Variants in VAV3 observed in about 807,000 individuals in gnomAD.
The protein encoded by VAV3 is vav guanine nucleotide exchange factor 3, also known as guanine nucleotide exchange factor VAV3.
VAV3 carries 94 observed loss-of-function variants against 131.2 expected under a neutral mutation model. That is an observed-to-expected ratio of 0.72 (90% CI 0.61 to 0.85). VAV3 has a LOEUF of 0.85. VAV3 is among the 40% of genes least tolerant of loss of function. The probability of loss-of-function intolerance (pLI) is 0.00; values close to 1 mark genes in which losing one functional copy is unlikely to be tolerated. For synonymous variants in VAV3, 349 were observed against 342.0 expected (o/e 1.02, Z -0.22); for missense variants, 939 against 1,002.7 (o/e 0.94, Z 0.86).
intron 2 of VAV3, among the ~76,000 whole-genome samples, chr1:107,792,234 T>C (rs1200486369): frequency 2.6e-5 from 4 of 152,236 alleles, no homozygotes; most frequent in Non-Finnish European, 4.4e-5. Context: ...ATTTTTTTTC[T>C]TACATTTTGC....
chr1:107,858,726 G>T (rs1418198562), intron 2 of VAV3, among the ~76,000 whole-genome samples: 1 of 152,180 alleles, frequency 6.6e-6, no homozygotes, highest in East Asian at 1.9e-4. Context: ...TTTCTTCCAT[G>T]AAACCAGTCC....
intron 12 of VAV3, among the ~76,000 whole-genome samples, chr1:107,753,837 T>C (rs1421744096): frequency 6.6e-6 from 1 of 151,842 alleles, no homozygotes; most frequent in Non-Finnish European, 1.5e-5. Flanking sequence ...TGGGATTACA[T>C]GTGTGAGCCA....
intron 19 of VAV3, among the ~76,000 whole-genome samples, chr1:107,646,107 A>G (rs192691488): frequency 1.4e-3 from 207 of 152,186 alleles, no homozygotes; most frequent in Non-Finnish European, 2.4e-3. Context: ...AAAAAACTCC[A>G]TATTTTCCCT....
intron 2 of VAV3, among the ~76,000 whole-genome samples, chr1:107,849,127 C>T (rs111851142): frequency 9.9e-5 from 15 of 152,114 alleles, no homozygotes; most frequent in African/African-American, 2.2e-4. Context: ...GAATCAATAT[C>T]GTGAAAATGG....
intron 2 of VAV3, among the ~76,000 whole-genome samples, chr1:107,803,670 C>T (rs1253128223): frequency 2.6e-5 from 4 of 152,000 alleles, no homozygotes; most frequent in African/African-American, 4.8e-5. Flanking sequence ...GCCTAAGATA[C>T]GGTGCATTTT....
intron 19 of VAV3, among the ~76,000 whole-genome samples, chr1:107,650,793 G>A (rs1042715416): frequency 8.5e-5 from 12 of 140,938 alleles, no homozygotes; most frequent in African/African-American, 3.2e-4. Context: ...TCCCATCTAT[G>A]AGTGAGAACA....
intron 20 of VAV3, among the ~76,000 whole-genome samples, chr1:107,641,928 T>TA (rs991646277): frequency 4.9e-4 from 75 of 152,242 alleles, no homozygotes; most frequent in African/African-American, 1.8e-3. Flanking sequence ...TTAGTAAATA[T>TA]AAAAAAGGTT....
At chr1:107,829,649 CA>C (rs1668161001) in intron 2 of VAV3, among the ~76,000 whole-genome samples, 1 of 152,108 alleles carries the variant, frequency 6.6e-6, no homozygotes, top group Non-Finnish European at 1.5e-5. Context: ...AGTAGCTTAA[CA>C]AAGTTGACTT....
intron 1 of VAV3, among the ~76,000 whole-genome samples, chr1:107,955,317 G>GTTT (rs58239664): frequency 6.0e-5 from 9 of 149,364 alleles, no homozygotes; most frequent in Admixed American, 2.0e-4. Context: ...TGCTGGCTAT[G>GTTT]TTTTTTTTTT....
chr1:107,846,271 C>T (rs1318692311), intron 2 of VAV3, among the ~76,000 whole-genome samples: 3 of 152,150 alleles, frequency 2.0e-5, no homozygotes, highest in African/African-American at 4.8e-5. Context: ...CACCACCAGG[C>T]CTGCCTTCCA....
intron 15 of VAV3, among the ~76,000 whole-genome samples, chr1:107,737,876 A>C (rs1042719065): frequency 2.6e-5 from 4 of 152,238 alleles, no homozygotes; most frequent in African/African-American, 7.2e-5. Context: ...AAGGATTATA[A>C]ATCATGCTAC....
At chr1:107,796,716 G>A (rs976092051) in intron 2 of VAV3, among the ~76,000 whole-genome samples, 18 of 150,980 alleles carry the variant, frequency 1.2e-4, no homozygotes, top group African/African-American at 4.4e-4. Flanking sequence ...AAATTCCTGG[G>A]AATCATGACA....
At chr1:107,652,901 C>G (rs1045887386) in intron 19 of VAV3, among the ~76,000 whole-genome samples, 4 of 152,126 alleles carry the variant, frequency 2.6e-5, no homozygotes, top group Middle Eastern at 3.4e-3. Context: ...TACTAAGGCC[C>G]TCTTAATAAT....
intron 7 of VAV3, among the ~76,000 whole-genome samples, chr1:107,767,904 T>C (rs1664822226): frequency 6.6e-6 from 1 of 152,160 alleles, no homozygotes; most frequent in African/African-American, 2.4e-5. Context: ...AAACGAAAAA[T>C]ATCTCCTCAA....
intron 9 of VAV3, among the ~76,000 whole-genome samples, chr1:107,761,516 A>C (rs1013450896): frequency 5.9e-5 from 9 of 152,134 alleles, no homozygotes; most frequent in Admixed American, 5.9e-4. Flanking sequence ...CCCCCAGTGG[A>C]CTTATAGAAC....
intron 1 of VAV3, among the ~76,000 whole-genome samples, chr1:107,909,058 A>G (rs1672246394): frequency 6.6e-6 from 1 of 152,212 alleles, no homozygotes; most frequent in Non-Finnish European, 1.5e-5. Flanking sequence ...GTTCCTACAA[A>G]TAACTGAAAG....
intron 2 of VAV3, among the ~76,000 whole-genome samples, chr1:107,853,345 G>A (rs552228261): frequency 6.6e-6 from 1 of 152,142 alleles, no homozygotes; most frequent in South Asian, 2.1e-4. Context: ...CAACATAGGA[G>A]ACAAGTGTTT....
chr1:107,609,827 G>A (rs1238833736), intron 22 of VAV3, 104 bp downstream of exon 22: 4 of 1,197,182 alleles, frequency 3.3e-6, no homozygotes, highest in Non-Finnish European at 4.9e-6. Flanking sequence ...CTTTAGCCGA[G>A]ACAAATGGAA....
intron 2 of VAV3, among the ~76,000 whole-genome samples, chr1:107,816,358 T>C (rs776845044): frequency 3.3e-5 from 5 of 152,204 alleles, no homozygotes; most frequent in African/African-American, 1.2e-4. Flanking sequence ...ATTTTTAAGA[T>C]TAAATGAGAT....
Sources: gnomAD v4.1 joint callset for allele counts (sites outside exome capture counted in the v4.1 genomes callset) on GRCh38, gnomAD v4.1.1 for gene constraint, MANE v1.5 for transcripts, NCBI Gene and HGNC (gene_info 2026-07-23, HGNC 2026-07-21) for gene names.